Variants in CA1 observed in about 807,000 individuals in gnomAD.
CA1 encodes the protein carbonic anhydrase 1.
A neutral mutation model predicts 28.8 loss-of-function variants in CA1; 27 were observed. The observed-to-expected ratio is 0.94, with a 90% CI of 0.69 to 1.29. The LOEUF (loss-of-function observed/expected upper bound fraction) is 1.29, where lower values mean the gene tolerates loss of function less well. Among genes scored for constraint, CA1 ranks in the 50% most tolerant of loss-of-function variants. CA1 has a pLI of 0.00. For missense variants in CA1, 335 were observed against 310.5 expected (o/e 1.08, Z -0.59); for synonymous variants, 121 against 108.8 (o/e 1.11, Z -0.70).
At chr8:85,376,006 G>A (rs768806564) in intron 1 of CA1, among the ~76,000 whole-genome samples, 1 of 152,108 alleles carries the variant, frequency 6.6e-6, no homozygotes, top group Non-Finnish European at 1.5e-5. Context: ...TCCTATAGAG[G>A]GAATTTCAAC....
intron 2 of CA1, among the ~76,000 whole-genome samples, chr8:85,339,980 T>TG (rs1264669041): frequency 1.3e-5 from 2 of 152,246 alleles, no homozygotes; most frequent in Middle Eastern, 3.4e-3. Flanking sequence ...CTCCATAACA[T>TG]GAAAGTGTGA....
chr8:85,363,902 A>G (rs1809903740), intron 1 of CA1, among the ~76,000 whole-genome samples: 1 of 152,212 alleles, frequency 6.6e-6, no homozygotes, highest in African/African-American at 2.4e-5. Context: ...CTACTTTTCC[A>G]GATTTTTATT....
intron 1 of CA1, among the ~76,000 whole-genome samples, chr8:85,344,190 A>ATATATTATATACTGTATATAATATAAT (rs1341022087): frequency 1.7e-5 from 2 of 117,240 alleles, no homozygotes; most frequent in Non-Finnish European, 3.2e-5. Flanking sequence ...ATATATAATT[A>ATATATTATATACTGTATATAATATAAT]TATATTATAC....
At chr8:85,355,820 ATT>A (rs1809584909) in intron 1 of CA1, among the ~76,000 whole-genome samples, 1 of 150,522 alleles carries the variant, frequency 6.6e-6, no homozygotes, top group Admixed American at 6.6e-5. Flanking sequence ...GAACCAAGCC[ATT>A]TTGATCAGTG....
chr8:85,336,440 TGA>T (rs1808657532), intron 4 of CA1, among the ~76,000 whole-genome samples: 4 of 152,170 alleles, frequency 2.6e-5, no homozygotes, highest in Admixed American at 2.6e-4. Flanking sequence ...AACTTCCATG[TGA>T]GAGCAGGTTA....
At chr8:85,346,279 C>A (rs985437284) in intron 1 of CA1, among the ~76,000 whole-genome samples, 1 of 152,118 alleles carries the variant, frequency 6.6e-6, no homozygotes, top group Non-Finnish European at 1.5e-5. Flanking sequence ...TCTTCTACTG[C>A]ATGAATGGAT....
chr8:85,334,359 G>A (rs1271948894), intron 4 of CA1, among the ~76,000 whole-genome samples: 12 of 151,964 alleles, frequency 7.9e-5, no homozygotes, highest in Non-Finnish European at 1.3e-4. Flanking sequence ...GTTATACTTC[G>A]TCACATGTTC....
At chr8:85,337,715 A>G (rs1038536453) in intron 3 of CA1, among the ~76,000 whole-genome samples, 1 of 152,176 alleles carries the variant, frequency 6.6e-6, no homozygotes, top group South Asian at 2.1e-4. Flanking sequence ...AAACTCATAA[A>G]CAAATTTAGC....
chr8:85,343,894 T>G lies in CA1; in HGVS notation c.-24-2235A>C, dbSNP rs1298597408. Among the ~76,000 whole-genome samples, 5 of 151,578 alleles carry G rather than the reference T, an allele frequency of 3.3e-5. 1 individual carries two copies. Among genetic ancestry groups the G allele is most frequent in the Non-Finnish European group, 7.4e-5 (5 of 67,930 alleles). On this transcript the variant is annotated intron_variant, in intron 1 of 7. Transcript: ENST00000523022. ...CCCTTCCCATTTACCTTTATCCTTC[T>G]TTTTCTGCTTACAAATTTTGCTTCT...
At chr8:85,338,632 TTTTCTTTCTTTCTTTCTTTCTTTC>T (rs56255763) in intron 2 of CA1, among the ~76,000 whole-genome samples, 183 bp from the exon 3 acceptor site, 80 of 131,614 alleles carry the variant, frequency 6.1e-4, no homozygotes, top group African/African-American at 8.5e-4. Context: ...CTTTCCTTCT[TTTTCTTTCTTTCTTTCTTTCTTTC>T]TTTCTTTCTT....
At chr8:85,375,423 C>T (rs1810373200) in intron 1 of CA1, among the ~76,000 whole-genome samples, 1 of 152,046 alleles carries the variant, frequency 6.6e-6, no homozygotes, top group Admixed American at 6.6e-5. Context: ...AACAGCACAG[C>T]TCTGCCCAAC....
At chr8:85,350,641 A>G (rs1305357017) in intron 1 of CA1, among the ~76,000 whole-genome samples, 3 of 152,140 alleles carry the variant, frequency 2.0e-5, no homozygotes, top group Non-Finnish European at 4.4e-5. Flanking sequence ...GTTTTCCATC[A>G]TCACCCAGGA....
At chr8:85,344,202 G>C (rs1308439435) in intron 1 of CA1, among the ~76,000 whole-genome samples, 1 of 99,654 alleles carries the variant, frequency 1.0e-5, no homozygotes, top group Non-Finnish European at 1.8e-5. Flanking sequence ...ATATTATACA[G>C]TATATAATAT....
intron 1 of CA1, among the ~76,000 whole-genome samples, chr8:85,344,267 A>ATATAAT (rs1809074142): frequency 8.5e-5 from 1 of 11,834 alleles, no homozygotes; most frequent in Non-Finnish European, 2.3e-4. Flanking sequence ...ACAGTATATA[A>ATATAAT]TATATAATTA....
intron 1 of CA1, among the ~76,000 whole-genome samples, chr8:85,344,263 TATAA>T (rs1809071835): frequency 1.5e-5 from 1 of 68,230 alleles, no homozygotes; most frequent in Non-Finnish European, 3.0e-5. Context: ...ATATACAGTA[TATAA>T]TATATAATTA....
At chr8:85,375,324 C>T (rs1010107394) in intron 1 of CA1, among the ~76,000 whole-genome samples, 1 of 152,074 alleles carries the variant, frequency 6.6e-6, no homozygotes, top group Non-Finnish European at 1.5e-5. Flanking sequence ...AAGAAGGCTT[C>T]GGAGGGAAGA....
intron 1 of CA1, among the ~76,000 whole-genome samples, chr8:85,371,377 G>A (rs1810220601): frequency 6.6e-6 from 1 of 151,784 alleles, no homozygotes; most frequent in Admixed American, 6.6e-5. Context: ...TAAAAGTTAG[G>A]TTTGTTTCCT....
chr8:85,344,217 ATATTATATACAGTATATAATATATAAT>A (rs1809055693), intron 1 of CA1, among the ~76,000 whole-genome samples: 1 of 66,610 alleles, frequency 1.5e-5, no homozygotes, highest in African/African-American at 9.3e-5. Context: ...TAATATAATT[ATATTATATACAGTATATAATATATAAT>A]TATATATTAT....
intron 2 of CA1, among the ~76,000 whole-genome samples, chr8:85,340,721 C>T (rs1457964898): frequency 6.6e-6 from 1 of 152,184 alleles, no homozygotes; most frequent in Non-Finnish European, 1.5e-5. Flanking sequence ...AAGTTATCAA[C>T]ATTAACAGGA....
Sources: gnomAD v4.1 joint callset for allele counts (sites outside exome capture counted in the v4.1 genomes callset) on GRCh38, gnomAD v4.1.1 for gene constraint, MANE v1.5 for transcripts, NCBI Gene and HGNC (gene_info 2026-07-23, HGNC 2026-07-21) for gene names.